Variants in CCDC183 observed in about 807,000 individuals in gnomAD.
The protein encoded by CCDC183 is coiled-coil domain containing 183.
In CCDC183, 63 loss-of-function variants were observed where a neutral mutation model predicts 65.2. That is an observed-to-expected ratio of 0.97 (90% CI 0.79 to 1.19). The LOEUF (loss-of-function observed/expected upper bound fraction) is 1.19, where lower values mean the gene tolerates loss of function less well. Among genes scored for constraint, CCDC183 ranks in the 50% most tolerant of loss-of-function variants. The pLI, the probability that CCDC183 is intolerant of heterozygous loss-of-function variation, is 0.00. For synonymous variants in CCDC183, 323 were observed against 276.5 expected (o/e 1.17, Z -1.67); for missense variants, 769 against 689.3 (o/e 1.12, Z -1.30).
intron 6 of CCDC183, among the ~76,000 whole-genome samples, chr9:136,803,765 C>A (rs1847791647): frequency 6.6e-6 from 1 of 151,946 alleles, no homozygotes; most frequent in Non-Finnish European, 1.5e-5. Context: ...GGGAAAAGGC[C>A]CTGGGCTGGG....
chr9:136,805,689 A>T (rs966007266), intron 9 of CCDC183: 21 of 560,776 alleles, frequency 3.7e-5, no homozygotes, highest in Non-Finnish European at 5.7e-5. Context: ...TTGAGCTCCT[A>T]ACCACTGCCC....
At chr9:136,806,395 G>C in intron 10 of CCDC183, 109 bp from the exon 11 acceptor site, 8 of 1,473,956 alleles carry the variant, frequency 5.4e-6, no homozygotes, top group Non-Finnish European at 7.4e-6. Context: ...CTGAGCTTCT[G>C]AGTCCCTGAT....
In CCDC183 at chr9:136,806,357, G is replaced by A; in HGVS notation, c.1109+119G>A. ...CCAACAAGCCTGTGTGTCCCACAGA[G>A]GGGCCAGGGGACTCCACTTGCACAC... On this transcript the variant is annotated intron_variant, in intron 10 of 13. Coordinates refer to ENST00000338005, the MANE Select transcript of CCDC183 (RefSeq NM_001039374.5). The A allele has an allele frequency of 5.1e-6, 7 of 1,376,862 alleles. No individual in the cohort carries two copies. The South Asian group carries it at 8.1e-5, about 16-fold the overall frequency. 85.3% of individuals were successfully genotyped at this position (1,376,862 alleles called of 1,614,324 possible).
At chr9:136,806,310 G>A in intron 10 of CCDC183, 72 bp downstream of exon 10, 1 of 1,493,850 alleles carries the variant, frequency 6.7e-7, no homozygotes, top group East Asian at 2.4e-5. Context: ...AGCCAGGCTG[G>A]GAGCTGGGAG....
In CCDC183 at chr9:136,807,567, C is replaced by T; in HGVS notation, c.1487-5C>T. On this transcript the variant is annotated splice_polypyrimidine_tract_variant and splice_region_variant and intron_variant, in intron 13 of 13. Coordinates refer to ENST00000338005, the MANE Select transcript of CCDC183 (RefSeq NM_001039374.5). ...CCGTGTGCGAGCCGCCGCCTCCGCC[C>T]GCAGACACCTTCCAGTTCCCCGACA... is the stretch of plus-strand genomic sequence containing the variant. The T allele has an allele frequency of 6.3e-7, 1 of 1,598,214 alleles. No individual in the cohort carries two copies. Among genetic ancestry groups the T allele is most frequent in the Non-Finnish European group, 8.5e-7 (1 of 1,173,516 alleles).
chr9:136,803,717 C>G (rs1227757544), intron 6 of CCDC183, among the ~76,000 whole-genome samples: 1 of 152,124 alleles, frequency 6.6e-6, no homozygotes, highest in East Asian at 1.9e-4. Flanking sequence ...CCGCAAAGGT[C>G]AGGTGTGGCC....
chr9:136,805,629 TC>T, intron 9 of CCDC183, 172 bp downstream of exon 9: 1 of 598,718 alleles, frequency 1.7e-6, no homozygotes, highest in East Asian at 2.8e-5. Flanking sequence ...CCGCCCCAAA[TC>T]CTTTTATCTT....
In CCDC183 at chr9:136,804,909, GGT is replaced by G; in HGVS notation, c.847+97_847+98del. 1 of 1,113,886 alleles carries G rather than the reference GGT, an allele frequency of 9.0e-7. No homozygotes were observed. Among genetic ancestry groups the G allele is most frequent in the Non-Finnish European group, 1.3e-6 (1 of 745,090 alleles). 69.0% of individuals were successfully genotyped at this position (1,113,886 alleles called of 1,614,324 possible). ...AACGGATCAAGTCACCCTGAGGCCA[GGT>G]GTGACATGTGGTCGCCAGGGTGAAG... On this transcript the variant is annotated intron_variant, in intron 8 of 13. Coordinates refer to ENST00000338005, the MANE Select transcript of CCDC183 (RefSeq NM_001039374.5). This position sits in a 1 kb window ranked among gnomAD's most constrained non-coding sequence, Gnocchi z 4.1.
At chr9:136,802,139 C>T (rs778507704) in intron 5 of CCDC183, among the ~76,000 whole-genome samples, 7 of 152,272 alleles carry the variant, frequency 4.6e-5, no homozygotes, top group Non-Finnish European at 8.8e-5. Context: ...ATCCTGAGCA[C>T]GTATGTACCT....
rs1588334249 is a variant in CCDC183 at position 136,804,016 on chromosome 9, G to T, written c.667-486G>T. On this transcript the variant is annotated intron_variant, in intron 6 of 13. Transcript: ENST00000338005. The surrounding 1 kb of genome is among the most constrained non-coding windows in gnomAD (Gnocchi z 4.1). The stretch of plus-strand genomic sequence containing the variant: ...CTGGGTATACCCGGGGTGGAGAAGG[G>T]GTGGCCAGGAGCAACGGAGCTGAGA... 5.9e-6 allele frequency: 1 copy of T among 168,964 alleles called. No homozygotes were observed. 10.5% of individuals were successfully genotyped at this position (168,964 alleles called of 1,614,324 possible). A position where few individuals can be genotyped will look rare whatever the true frequency, so the allele number is the denominator to read the frequency against.
At position 136,804,358 on chromosome 9, in the gene CCDC183, T is replaced by G; in HGVS notation, c.667-144T>G. On this transcript the variant is annotated intron_variant, in intron 6 of 13. Transcript: ENST00000338005. This position sits in a 1 kb window ranked among gnomAD's most constrained non-coding sequence, Gnocchi z 4.1. ...CTGAGGGGCCACGGGCACAAGTGGT[T>G]TAGGAAAAGGGTGTGGCCATTGGCC... The G allele has an allele frequency of 8.6e-7, 1 of 1,159,456 alleles. No individual in the cohort carries two copies. The highest frequency in any genetic ancestry group is 1.2e-6 in the Non-Finnish European group (1 of 843,340). 71.8% of individuals were successfully genotyped at this position (1,159,456 alleles called of 1,614,324 possible). A position where few individuals can be genotyped will look rare whatever the true frequency, so the allele number is the denominator to read the frequency against.
At chr9:136,805,983 C>T (rs1847838435) in intron 9 of CCDC183, 95 bp from the exon 10 acceptor site, 6 of 975,032 alleles carry the variant, frequency 6.2e-6, no homozygotes, top group East Asian at 5.3e-5. Flanking sequence ...AGTGCACTAG[C>T]GTCTAGGAGG....
At chr9:136,799,291 AGGG>A in intron 2 of CCDC183, 68 bp downstream of exon 2, 29 of 1,517,448 alleles carry the variant, frequency 1.9e-5, no homozygotes, top group Non-Finnish European at 2.5e-5. Flanking sequence ...ACACACTCGG[AGGG>A]CGGGCACCTC....
rs1399160189 is a variant in CCDC183 at position 136,804,523 on chromosome 9, G to C, written c.688G>C (p.Ala230Pro). 1 of 1,613,082 alleles carries C rather than the reference G, an allele frequency of 6.2e-7. No individual in the cohort carries two copies. The highest frequency in any genetic ancestry group is 1.3e-5 in the African/African-American group (1 of 74,922). Residue 230 changes from alanine to proline, a missense_variant, in exon 7 of 14, where the codon GCG becomes CCG. Coordinates refer to ENST00000338005, the MANE Select transcript of CCDC183 (RefSeq NM_001039374.5). This position sits in a 1 kb window ranked among gnomAD's most constrained non-coding sequence, Gnocchi z 4.1. ...EVKRNMRQRE[A>P]SFIEERRARE... ...CCAGAGGAACATGAGGCAAAGGGAGGCGTCCTTCATCGAGGAGCGCCGGGC... is the reference window on the plus strand; with the variant it reads ...CCAGAGGAACATGAGGCAAAGGGAGCCGTCCTTCATCGAGGAGCGCCGGGC...
In CCDC183 at chr9:136,807,611, C is replaced by G; in HGVS notation, c.1526C>G (p.Pro509Arg). ...CCCGACATGGACCACAGCTACGTCCCTTCGCGCGCCGAGATCAAGAGGCAG... is the reference window on the plus strand; with the variant it reads ...CCCGACATGGACCACAGCTACGTCCGTTCGCGCGCCGAGATCAAGAGGCAG... ...QFPDMDHSYV[P>R]SRAEIKRQAQ... The change falls in exon 14 of 14, where the codon CCT (proline) becomes CGT (arginine). Residue 509 changes from proline to arginine, a missense_variant. Physicochemically the swap from Pro to Arg is moderately radical, Grantham distance 103. Coordinates refer to ENST00000338005, the MANE Select transcript of CCDC183 (RefSeq NM_001039374.5). 1 of 1,605,364 alleles carries G rather than the reference C, an allele frequency of 6.2e-7. No homozygotes were observed. The highest frequency in any genetic ancestry group is 8.5e-7 in the Non-Finnish European group (1 of 1,176,450).
rs1446821178 is a variant in CCDC183 at position 136,807,020 on chromosome 9, G to A, written c.1440G>A (p.Lys480=). The change falls in exon 13 of 14, where the codon AAG becomes AAA. Residue 480 remains lysine, a synonymous_variant. Coordinates refer to ENST00000338005, the MANE Select transcript of CCDC183 (RefSeq NM_001039374.5). ...TGGAGTCCTCGACTCTGATGGAGAA[G>A]TACAACACCAGGATCAGCTTTGAGA... ...DTLESSTLME[K]YNTRISFENR... 3 of 1,613,562 alleles carry A rather than the reference G, an allele frequency of 1.9e-6. No individual in the cohort carries two copies. In the African/African-American group the frequency reaches 4.0e-5, roughly 22 times the overall value.
intron 3 of CCDC183, 45 bp from the exon 4 acceptor site, chr9:136,799,957 G>C (rs1847710614): frequency 6.4e-7 from 1 of 1,552,838 alleles, no homozygotes; most frequent in African/African-American, 1.4e-5. Context: ...GCTCCATGGC[G>C]GCCCCCTACG....
intron 2 of CCDC183, chr9:136,799,455 T>C: frequency 1.3e-6 from 1 of 774,372 alleles, no homozygotes; most frequent in East Asian, 2.8e-5. Flanking sequence ...TGAGCCCACA[T>C]CCTGCAGCAG....
intron 10 of CCDC183, 43 bp downstream of exon 10, chr9:136,806,281 C>T: frequency 6.4e-7 from 1 of 1,555,290 alleles, no homozygotes; most frequent in Non-Finnish European, 8.7e-7. Flanking sequence ...ACCCCAGTCT[C>T]ACAAAGGCCC....
Sources: gnomAD v4.1 joint callset for allele counts (sites outside exome capture counted in the v4.1 genomes callset) on GRCh38, gnomAD v4.1.1 for gene constraint, Gnocchi (gnomAD v3.1) non-coding constraint, MANE v1.5 for transcripts, NCBI Gene and HGNC (gene_info 2026-07-23, HGNC 2026-07-21) for gene names.